Variants in VMP1 observed in about 807,000 individuals in gnomAD.
VMP1 encodes ectopic P-granules autophagy protein 3 homolog.
A neutral mutation model predicts 56.0 loss-of-function variants in VMP1; 11 were observed. The observed-to-expected ratio is 0.20, with a 90% confidence interval of 0.12 to 0.32. VMP1 has a LOEUF of 0.32. Ranked by LOEUF, VMP1 falls within the 10% of genes least tolerant of loss-of-function variation. The probability of loss-of-function intolerance (pLI) is 1.00; values close to 1 mark genes in which losing one functional copy is unlikely to be tolerated. For missense variants in VMP1, 296 were observed against 490.3 expected, an observed-to-expected ratio of 0.60 and a Z score of 3.74; for synonymous variants, 149 against 165.0, an observed-to-expected ratio of 0.90 and a Z score of 0.74.
rs1334203330 is a variant in VMP1, at chr17:59,803,722, A to G, written c.715-5074A>G. Among the ~76,000 whole-genome samples the G allele has an allele frequency of 2.6e-5, 4 of 152,186 alleles. No individual in the cohort carries two copies. In the East Asian group the frequency reaches 7.7e-4, roughly 29 times the overall value. ...GAAGTAATCAAATTGGTCATGCTACATTGTTCCCCACAATACTCCAAAACT... is the reference window on the plus strand; with the variant it reads ...GAAGTAATCAAATTGGTCATGCTACGTTGTTCCCCACAATACTCCAAAACT... On this transcript the variant is annotated intron_variant, in intron 7 of 11. Transcript: ENST00000262291.
At chr17:59,810,183 T>C (rs564168594) in intron 8 of VMP1, among the ~76,000 whole-genome samples, 4 of 152,224 alleles carry the variant, frequency 2.6e-5, no homozygotes, top group African/African-American at 9.6e-5. Flanking sequence ...AGACAGAGTC[T>C]CCCTCTGTCA....
chr17:59,719,203 A>G (rs1568017440), intron 1 of VMP1, among the ~76,000 whole-genome samples: 2 of 152,180 alleles, frequency 1.3e-5, no homozygotes, highest in African/African-American at 2.4e-5. Context: ...AATTAAGAAA[A>G]GATACTTCTG....
chr17:59,778,569 TAAAAGC>T (rs1274691572), intron 7 of VMP1, among the ~76,000 whole-genome samples: 6 of 151,680 alleles, frequency 4.0e-5, no homozygotes, highest in Non-Finnish European at 7.4e-5. Context: ...ATAAGGCACT[TAAAAGC>T]TAAGTGGAAG....
intron 5 of VMP1, among the ~76,000 whole-genome samples, chr17:59,744,577 A>T (rs541220931): frequency 6.6e-6 from 1 of 150,740 alleles, no homozygotes; most frequent in South Asian, 2.1e-4. Context: ...CCTGCTTGAG[A>T]CCAGGAGTTC....
chr17:59,743,386 T>G (rs1351980737), intron 5 of VMP1, among the ~76,000 whole-genome samples: 1 of 152,134 alleles, frequency 6.6e-6, no homozygotes, highest in Non-Finnish European at 1.5e-5. Flanking sequence ...CCTCTTTCAC[T>G]TTGCAATATA....
At chr17:59,820,298 C>T (rs2038394848) in intron 10 of VMP1, among the ~76,000 whole-genome samples, 1 of 152,152 alleles carries the variant, frequency 6.6e-6, no homozygotes, top group Non-Finnish European at 1.5e-5. Context: ...TTCAAGATTT[C>T]TCAGCCTTGG....
chr17:59,767,926 T>C (rs947409307), intron 6 of VMP1, among the ~76,000 whole-genome samples: 6 of 151,754 alleles, frequency 4.0e-5, no homozygotes, highest in African/African-American at 7.3e-5. Flanking sequence ...CTGGCCAACA[T>C]GGTGAAACCC....
chr17:59,793,452 A>T (rs1480801199), intron 7 of VMP1, among the ~76,000 whole-genome samples: 1 of 117,258 alleles, frequency 8.5e-6, no homozygotes, highest in African/African-American at 2.6e-5. Context: ...TAAATCTTGC[A>T]TACTCAGATA....
chr17:59,791,151 T>G (rs1369818881), intron 7 of VMP1, among the ~76,000 whole-genome samples: 7 of 151,606 alleles, frequency 4.6e-5, no homozygotes, highest in Non-Finnish European at 7.4e-5. Flanking sequence ...TGCTGACATT[T>G]TTAATAAACA....
intron 10 of VMP1, among the ~76,000 whole-genome samples, chr17:59,823,765 G>A (rs913463584): frequency 1.3e-5 from 2 of 150,996 alleles, no homozygotes. Context: ...AAAAAAAATC[G>A]CTGAATGGTA....
chr17:59,823,276 C>A (rs2038514920), intron 10 of VMP1, among the ~76,000 whole-genome samples: 1 of 151,212 alleles, frequency 6.6e-6, no homozygotes, highest in Admixed American at 6.6e-5. Flanking sequence ...ATGGTAAGAC[C>A]CCCATCTCTA....
chr17:59,832,760 T>C (rs2038855746), intron 10 of VMP1, among the ~76,000 whole-genome samples: 1 of 96,746 alleles, frequency 1.0e-5, no homozygotes, highest in Non-Finnish European at 2.2e-5. Flanking sequence ...TGCCTGGCAA[T>C]ATTTTTTTTT....
At chr17:59,771,391 C>T (rs2036419759) in intron 6 of VMP1, among the ~76,000 whole-genome samples, 1 of 151,776 alleles carries the variant, frequency 6.6e-6, no homozygotes, top group African/African-American at 2.4e-5. Flanking sequence ...TTTTAAACTG[C>T]TGGGATTACA....
chr17:59,828,254 A>C (rs1456678926), intron 10 of VMP1, among the ~76,000 whole-genome samples: 1 of 152,200 alleles, frequency 6.6e-6, no homozygotes, highest in Non-Finnish European at 1.5e-5. Context: ...ATGTTAGCTT[A>C]TTTCAAAGAG....
At chr17:59,797,851 G>T (rs1038530154) in intron 7 of VMP1, among the ~76,000 whole-genome samples, 1 of 152,208 alleles carries the variant, frequency 6.6e-6, no homozygotes, top group Non-Finnish European at 1.5e-5. Context: ...TGCAGCCTGG[G>T]CAACAAGAGC....
intron 7 of VMP1, among the ~76,000 whole-genome samples, chr17:59,791,957 G>T (rs1467944908): frequency 6.6e-6 from 1 of 151,898 alleles, no homozygotes; most frequent in Non-Finnish European, 1.5e-5. Context: ...TTTTTCCAGG[G>T]CCATTTATAA....
At chr17:59,837,330 C>T (rs2039014807) in intron 10 of VMP1, among the ~76,000 whole-genome samples, 1 of 152,082 alleles carries the variant, frequency 6.6e-6, no homozygotes, top group Admixed American at 6.6e-5. Flanking sequence ...ACTTATTTAC[C>T]TCCTTAGCCC....
chr17:59,801,914 AT>A (rs2037681013), intron 7 of VMP1, among the ~76,000 whole-genome samples: 1 of 151,916 alleles, frequency 6.6e-6, no homozygotes, highest in Non-Finnish European at 1.5e-5. Flanking sequence ...CAAAAAACAT[AT>A]TTAGGCCAGG....
At chr17:59,734,236 A>G (rs115539529) in intron 2 of VMP1, among the ~76,000 whole-genome samples, 82 of 151,444 alleles carry the variant, frequency 5.4e-4, no homozygotes, top group African/African-American at 1.9e-3. Flanking sequence ...AATGGCAACT[A>G]TAATATAGTA....
Sources: allele counts gnomAD v4.1 joint callset (sites outside exome capture counted in the v4.1 genomes callset), GRCh38; gene constraint gnomAD v4.1.1; transcripts MANE v1.5; gene names NCBI Gene and HGNC (gene_info 2026-07-23, HGNC 2026-07-21).